Variants in MEF2C observed in about 807,000 individuals in gnomAD.
MEF2C encodes the protein myocyte enhancer factor 2C, also known as myocyte-specific enhancer factor 2C.
MEF2C carries 6 observed loss-of-function variants against 50.5 expected under a neutral mutation model. That is an observed-to-expected ratio of 0.12 (90% CI 0.07 to 0.23). The LOEUF (loss-of-function observed/expected upper bound fraction) is 0.23. MEF2C is among the 10% of genes least tolerant of loss of function. The probability of loss-of-function intolerance (pLI) is 1.00; values close to 1 mark genes in which losing one functional copy is unlikely to be tolerated. For synonymous variants in MEF2C, 183 were observed against 228.0 expected (o/e 0.80, Z 1.78); for missense variants, 276 against 605.0 (o/e 0.46, Z 5.70).
chr5:88,811,240 A>G (rs1802668925), intron 2 of MEF2C, among the ~76,000 whole-genome samples: 1 of 152,188 alleles, frequency 6.6e-6, no homozygotes, highest in South Asian at 2.1e-4. Context: ...CTCAGAAAAA[A>G]ATAGAATTAA....
intron 3 of MEF2C, among the ~76,000 whole-genome samples, chr5:88,792,010 T>C (rs1251533146): frequency 1.3e-5 from 2 of 152,020 alleles, no homozygotes; most frequent in African/African-American, 4.8e-5. Context: ...ACTTACTTAG[T>C]CACTAGCAGT....
At chr5:88,766,761 G>A in intron 3 of MEF2C, 7 of 985,352 alleles carry the variant, frequency 7.1e-6, no homozygotes, top group Non-Finnish European at 8.4e-6. Context: ...TTACTTCAGA[G>A]GGTTGATGTG....
chr5:88,891,031 A>G (rs141969787), intron 1 of MEF2C, among the ~76,000 whole-genome samples: 127 of 152,348 alleles, frequency 8.3e-4, no homozygotes, highest in African/African-American at 2.9e-3. Context: ...ACAAGAAAAA[A>G]TACTGCTAAG....
chr5:88,728,418 G>T, intron 10 of MEF2C, 75 bp downstream of exon 10: 1 of 1,142,666 alleles, frequency 8.8e-7, no homozygotes, highest in Non-Finnish European at 1.1e-6. Flanking sequence ...GGATATTGAA[G>T]CACATATTTA....
At chr5:88,833,691 G>T (rs1337923481) in intron 1 of MEF2C, among the ~76,000 whole-genome samples, 3 of 152,116 alleles carry the variant, frequency 2.0e-5, no homozygotes, top group African/African-American at 7.2e-5. Context: ...TAAAGACCCA[G>T]TGCAGCTGCT....
At chr5:88,779,042 CT>C (rs1459739069) in intron 3 of MEF2C, among the ~76,000 whole-genome samples, 22 of 152,324 alleles carry the variant, frequency 1.4e-4, no homozygotes, top group African/African-American at 5.3e-4. Flanking sequence ...GGAAACTGGA[CT>C]TTTGGAAAAT....
intron 1 of MEF2C, among the ~76,000 whole-genome samples, chr5:88,891,684 A>G (rs1834594766): frequency 6.6e-6 from 1 of 152,202 alleles, no homozygotes; most frequent in African/African-American, 2.4e-5. Context: ...TACTGGGATT[A>G]CAGGCGTGAA....
chr5:88,799,869 C>T (rs1196666926), intron 3 of MEF2C, among the ~76,000 whole-genome samples: 3 of 47,380 alleles, frequency 6.3e-5, no homozygotes, highest in African/African-American at 1.3e-4. Flanking sequence ...CTCTCTCTCT[C>T]TCACACACAC....
intron 1 of MEF2C, among the ~76,000 whole-genome samples, chr5:88,849,150 CAAA>C (rs11295110): frequency 1.1e-5 from 1 of 92,250 alleles, no homozygotes. Flanking sequence ...GACTTTGTCT[CAAA>C]AAAAAAAAAA....
intron 6 of MEF2C, chr5:88,734,585 T>G (rs112103807): frequency 0.031 from 29,240 of 957,332 alleles, 154 homozygotes; most frequent in Non-Finnish European, 0.034. Flanking sequence ...TTTTTTTTTT[T>G]TTTTTTTTTT....
intron 3 of MEF2C, among the ~76,000 whole-genome samples, chr5:88,789,057 G>A (rs1471990993): frequency 6.6e-6 from 1 of 151,984 alleles, no homozygotes; most frequent in Non-Finnish European, 1.5e-5. Flanking sequence ...TGATTAAATA[G>A]TAATATGCAC....
intron 1 of MEF2C, among the ~76,000 whole-genome samples, chr5:88,870,995 G>C (rs1345220689): frequency 3.9e-5 from 6 of 152,066 alleles, no homozygotes; most frequent in Admixed American, 3.9e-4. Flanking sequence ...ATTTTATGCT[G>C]ATCAACCACA....
chr5:88,755,387 G>T (rs1478437187), intron 4 of MEF2C, among the ~76,000 whole-genome samples: 2 of 152,210 alleles, frequency 1.3e-5, no homozygotes, highest in African/African-American at 4.8e-5. Flanking sequence ...ACTAGTGACT[G>T]AGTCTGTTGC....
intron 3 of MEF2C, chr5:88,772,726 C>T: frequency 1.0e-6 from 1 of 985,378 alleles, no homozygotes; most frequent in Non-Finnish European, 1.2e-6. Context: ...TCTCCCTCTT[C>T]CTAATAAACC....
intron 2 of MEF2C, among the ~76,000 whole-genome samples, chr5:88,807,980 C>T (rs1032406507): frequency 6.6e-6 from 1 of 152,064 alleles, no homozygotes; most frequent in Admixed American, 6.5e-5. Context: ...GATTGTCTTT[C>T]TAAAGTACTT....
At position 88,865,960 on chromosome 5, in the gene MEF2C, A is replaced by T. The variant is rs563408565; in HGVS notation, c.-143+16995T>A. Among the ~76,000 whole-genome samples, 10 of 149,024 alleles carry T rather than the reference A, an allele frequency of 6.7e-5. No homozygotes were observed. In the South Asian group the frequency reaches 2.1e-3, roughly 31 times the overall value. ...GCCCAGGCTGGAGTGCAGTGACTCTATCTCGGCTCACTGCAAGCTCCGCCT... is the reference window on the plus strand; with the variant it reads ...GCCCAGGCTGGAGTGCAGTGACTCTTTCTCGGCTCACTGCAAGCTCCGCCT... On this transcript the variant is annotated intron_variant, in intron 1 of 10. Transcript: ENST00000504921.
chr5:88,807,119 T>G (rs1343834414), intron 2 of MEF2C, among the ~76,000 whole-genome samples: 1 of 152,230 alleles, frequency 6.6e-6, no homozygotes, highest in East Asian at 1.9e-4. Flanking sequence ...CATATGACAT[T>G]GAAGGTAGTA....
At position 88,738,887 on chromosome 5, in the gene MEF2C, T is replaced by C. The variant is rs1765243628; in HGVS notation, c.638-6986A>G. Reference sequence around the variant, plus strand: ...TCTGGTCTCTTTCTGGATAAATAAATATTTACAAGTAGGAAATACTGAGTT... The same window carrying C: ...TCTGGTCTCTTTCTGGATAAATAAACATTTACAAGTAGGAAATACTGAGTT... On this transcript the variant is annotated intron_variant, in intron 6 of 10. Coordinates refer to ENST00000504921, the MANE Select transcript of MEF2C (RefSeq NM_002397.5). 4 of 985,278 alleles carry C rather than the reference T, an allele frequency of 4.1e-6. No individual in the cohort carries two copies. The South Asian group carries it at 1.4e-4, about 35-fold the overall frequency. The allele number at this position is 985,278 out of a possible 1,614,324, so 61.0% of individuals were successfully genotyped here. A position where few individuals can be genotyped will look rare whatever the true frequency, so the allele number is the denominator to read the frequency against.
At chr5:88,816,215 A>G (rs1308179710) in intron 2 of MEF2C, among the ~76,000 whole-genome samples, 1 of 152,094 alleles carries the variant, frequency 6.6e-6, no homozygotes, top group Non-Finnish European at 1.5e-5. Context: ...AGGAAAGTGA[A>G]TGAATGAGAT....
Sources: allele counts gnomAD v4.1 joint callset (sites outside exome capture counted in the v4.1 genomes callset), GRCh38; gene constraint gnomAD v4.1.1; transcripts MANE v1.5; gene names NCBI Gene and HGNC (gene_info 2026-07-23, HGNC 2026-07-21).